Variants in GPHN observed in about 807,000 individuals in gnomAD.
GPHN encodes gephyrin.
In GPHN, 17 loss-of-function variants were observed where a neutral mutation model predicts 95.5. The ratio of observed to expected loss-of-function variants is 0.18; its 90% CI spans 0.12 to 0.27. The LOEUF is 0.27. GPHN is among the 10% of genes least tolerant of loss of function. The pLI is 1.00. For synonymous variants in GPHN, 320 were observed against 322.5 expected (o/e 0.99, Z 0.08); for missense variants, 660 against 978.1 (o/e 0.67, Z 4.34).
chr14:66,667,240 C>G (rs2066019633), intron 1 of GPHN, among the ~76,000 whole-genome samples: 1 of 152,166 alleles, frequency 6.6e-6, no homozygotes, highest in Non-Finnish European at 1.5e-5. Context: ...CATTGCTATT[C>G]TGATTAAACT....
At chr14:67,110,366 G>C in intron 14 of GPHN, 107 bp downstream of exon 14, 3 of 1,169,012 alleles carry the variant, frequency 2.6e-6, no homozygotes, top group Non-Finnish European at 2.6e-6. Context: ...GGGTTGTTTA[G>C]TTTTGTTTTG....
intron 7 of GPHN, 142 bp downstream of exon 7, chr14:66,923,080 T>C: frequency 1.4e-6 from 1 of 722,494 alleles, no homozygotes; most frequent in Non-Finnish European, 2.5e-6. Flanking sequence ...TCCATGACAC[T>C]CCACTACTAT....
chr14:66,951,263 T>C (rs1027075558), intron 8 of GPHN, among the ~76,000 whole-genome samples: 4 of 151,988 alleles, frequency 2.6e-5, no homozygotes, highest in African/African-American at 9.7e-5. Context: ...CTAACACCTG[T>C]AAACCCAGCA....
the GPHN span, among the ~76,000 whole-genome samples, chr14:67,295,675 C>T: frequency 2.0e-5 from 3 of 152,078 alleles, no homozygotes; most frequent in African/African-American, 7.2e-5. Flanking sequence ...TACACTGACA[C>T]CAGAATGACA....
At chr14:66,915,023 A>G (rs2065839320) in intron 5 of GPHN, among the ~76,000 whole-genome samples, 1 of 152,102 alleles carries the variant, frequency 6.6e-6, no homozygotes, top group Non-Finnish European at 1.5e-5. Context: ...TAGTAAGAAG[A>G]AGGCCAGCAG....
At chr14:66,535,232 G>GAA (rs200286066) in intron 1 of GPHN, among the ~76,000 whole-genome samples, 22 of 149,768 alleles carry the variant, frequency 1.5e-4, no homozygotes, top group Non-Finnish European at 2.4e-4. Context: ...CCCATTTTTT[G>GAA]AAAAAAAAAT....
At chr14:67,047,774 A>C (rs1440090084) in intron 10 of GPHN, among the ~76,000 whole-genome samples, 1 of 152,190 alleles carries the variant, frequency 6.6e-6, no homozygotes, top group African/African-American at 2.4e-5. Flanking sequence ...CAGTCTGAGC[A>C]ACATAGGGAG....
chr14:66,546,519 G>A (rs1040019499), intron 1 of GPHN, among the ~76,000 whole-genome samples: 17 of 152,308 alleles, frequency 1.1e-4, no homozygotes, highest in African/African-American at 1.7e-4. Context: ...CTGCAATCCC[G>A]GCACCTCGGG....
chr14:66,893,175 T>G (rs1342493998), intron 5 of GPHN, among the ~76,000 whole-genome samples: 1 of 152,184 alleles, frequency 6.6e-6, no homozygotes, highest in South Asian at 2.1e-4. Flanking sequence ...CTGGACTTAT[T>G]TGTTATAACT....
chr14:66,520,443 T>G (rs1214568278), intron 1 of GPHN, among the ~76,000 whole-genome samples: 1 of 152,148 alleles, frequency 6.6e-6, no homozygotes, highest in Non-Finnish European at 1.5e-5. Flanking sequence ...AAAATTAGCT[T>G]AAGTGAAGAG....
chr14:67,379,680 A>T, the GPHN span, among the ~76,000 whole-genome samples: 1 of 89,118 alleles, frequency 1.1e-5, no homozygotes, highest in Admixed American at 1.5e-4. Context: ...TTTGAGACGG[A>T]GTCTCGCTCT....
intron 5 of GPHN, among the ~76,000 whole-genome samples, chr14:66,912,269 T>C (rs1256576541): frequency 6.6e-6 from 1 of 152,068 alleles, no homozygotes; most frequent in African/African-American, 2.4e-5. Flanking sequence ...GCCTTGAATG[T>C]TCTTCCTTCT....
At chr14:67,457,296 G>GA in the GPHN span, among the ~76,000 whole-genome samples, 1 of 152,034 alleles carries the variant, frequency 6.6e-6, no homozygotes, top group Non-Finnish European at 1.5e-5. Flanking sequence ...AGAAAGAAAA[G>GA]AAAAAAGAAA....
In GPHN at chr14:66,588,374, T is replaced by A. The variant is rs140073225; in HGVS notation, c.64+79783T>A. ...CTCCTTGCCAGCAAGGGAACAAAACTGGAATGAGAATTAGTTTGATGAATT... is the reference window on the plus strand; with the variant it reads ...CTCCTTGCCAGCAAGGGAACAAAACAGGAATGAGAATTAGTTTGATGAATT... On this transcript the variant is annotated intron_variant, in intron 1 of 22. Transcript: ENST00000478722. Among the ~76,000 whole-genome samples, 319 of 152,040 alleles carry A rather than the reference T, an allele frequency of 2.1e-3. 2 individuals carry two copies. Among genetic ancestry groups the A allele is most frequent in the South Asian group, 3.1e-3 (15 of 4,818 alleles).
chr14:67,644,451 A>G, the GPHN span, among the ~76,000 whole-genome samples: 1 of 152,286 alleles, frequency 6.6e-6, no homozygotes, highest in African/African-American at 2.4e-5. Context: ...AGACCATGCT[A>G]TTCCTCAAAA....
the GPHN span, among the ~76,000 whole-genome samples, chr14:67,431,781 A>G: frequency 2.0e-5 from 3 of 152,128 alleles, no homozygotes; most frequent in South Asian, 2.1e-4. Context: ...AAGCTCCCAC[A>G]TGGAAACTGG....
the GPHN span, among the ~76,000 whole-genome samples, chr14:67,566,224 G>A: frequency 1.3e-5 from 2 of 152,164 alleles, no homozygotes; most frequent in African/African-American, 4.8e-5. Context: ...AAGGACACCT[G>A]TAAGACTGGA....
intron 17 of GPHN, among the ~76,000 whole-genome samples, chr14:67,126,002 A>G (rs762252576): frequency 6.6e-6 from 1 of 152,168 alleles, no homozygotes; most frequent in Non-Finnish European, 1.5e-5. Flanking sequence ...AGTTGGACTA[A>G]ATGGCCTTTG....
rs566457048 is a variant in GPHN at position 66,526,001 on chromosome 14, GT to G, written c.64+17423del. On this transcript the variant is annotated intron_variant, in intron 1 of 22. Transcript: ENST00000478722. ...TTGGTTCCATATGAAATTTAAAGTA[GT>G]TTTTTTTTTTTTAATTCTGTAAAGA... Among the ~76,000 whole-genome samples the G allele has an allele frequency of 1.8e-3, 254 of 144,728 alleles. 1 individual carries two copies. The highest frequency in any genetic ancestry group is 3.7e-3 in the South Asian group (17 of 4,556). 94.9% of individuals were successfully genotyped at this position (144,728 alleles called of 152,430 possible).
Sources: allele counts gnomAD v4.1 joint callset (sites outside exome capture counted in the v4.1 genomes callset), GRCh38; gene constraint gnomAD v4.1.1; transcripts MANE v1.5; gene names NCBI Gene and HGNC (gene_info 2026-07-23, HGNC 2026-07-21).